BMPR1A: variants seen among roughly 807,000 people sequenced by gnomAD.
BMPR1A encodes bone morphogenetic protein receptor type-1A.
BMPR1A carries 7 observed loss-of-function variants against 66.0 expected under a neutral mutation model. That is an observed-to-expected ratio of 0.11 (90% CI 0.06 to 0.20). The LOEUF (loss-of-function observed/expected upper bound fraction) is 0.20. Among genes scored for constraint, BMPR1A ranks in the 10% least tolerant of loss-of-function variants. The pLI is 1.00. For missense variants in BMPR1A, 408 were observed against 669.1 expected, an observed-to-expected ratio of 0.61 and a Z score of 4.31; for synonymous variants, 200 against 229.7, an observed-to-expected ratio of 0.87 and a Z score of 1.17.
chr10:86,841,674 T>C (rs895343737), intron 2 of BMPR1A, among the ~76,000 whole-genome samples: 42 of 152,152 alleles, frequency 2.8e-4, no homozygotes, highest in African/African-American at 8.4e-4. Flanking sequence ...TGCTAATGAG[T>C]TAACTGGTAG....
At position 86,925,928 on chromosome 10, in the gene BMPR1A, C is replaced by T. The variant is rs952193816; in HGVS notation, c.*2209C>T. ...ATTTTTAGTAGAGACGGGGTTTCAC[C>T]TTGTTAGCCAGGATGGTCTCAATCT... On this transcript the variant is annotated 3_prime_UTR_variant, in exon 13 of 13. Transcript: ENST00000372037. The T allele has an allele frequency of 1.2e-5, 2 of 163,298 alleles. No individual in the cohort carries two copies. The highest frequency in any genetic ancestry group is 2.7e-5 in the Non-Finnish European group (2 of 74,850). 10.1% of individuals were successfully genotyped at this position (163,298 alleles called of 1,614,324 possible).
intron 1 of BMPR1A, among the ~76,000 whole-genome samples, chr10:86,784,652 G>T (rs1564683159): frequency 2.0e-5 from 3 of 152,112 alleles, no homozygotes; most frequent in Admixed American, 1.3e-4. Context: ...TTGTTGTTGG[G>T]AAGTTTTTAA....
At chr10:86,804,482 C>T (rs1841857887) in intron 1 of BMPR1A, among the ~76,000 whole-genome samples, 1 of 152,138 alleles carries the variant, frequency 6.6e-6, no homozygotes, top group South Asian at 2.1e-4. Context: ...ATCCACCCAC[C>T]TAGGCCTCCC....
intron 2 of BMPR1A, among the ~76,000 whole-genome samples, chr10:86,863,778 G>A (rs573793082): frequency 6.6e-6 from 1 of 152,144 alleles, no homozygotes; most frequent in Non-Finnish European, 1.5e-5. Flanking sequence ...AGGGAAGATA[G>A]AATATGCTTA....
intron 1 of BMPR1A, among the ~76,000 whole-genome samples, chr10:86,784,906 T>C (rs919494377): frequency 6.6e-6 from 1 of 152,142 alleles, no homozygotes; most frequent in Non-Finnish European, 1.5e-5. Flanking sequence ...TTCTTAAATC[T>C]GGCTAAGGAT....
At chr10:86,773,028 C>T (rs1171840752) in intron 1 of BMPR1A, among the ~76,000 whole-genome samples, 3 of 151,690 alleles carry the variant, frequency 2.0e-5, no homozygotes, top group Admixed American at 6.6e-5. Context: ...TCATCCTGAG[C>T]GTCTGAACCT....
downstream of BMPR1A, chr10:86,929,402 TTTC>T (rs1247397325): frequency 1.3e-5 from 2 of 152,206 alleles, no homozygotes; most frequent in Non-Finnish European, 1.5e-5. Context: ...TGTGCAATAC[TTTC>T]TTGTCATTTT....
intron 1 of BMPR1A, among the ~76,000 whole-genome samples, chr10:86,762,952 A>C (rs1381336714): frequency 6.6e-6 from 1 of 152,114 alleles, no homozygotes; most frequent in African/African-American, 2.4e-5. Flanking sequence ...GCTGGAGTGC[A>C]GTGGCGTGAT....
chr10:86,831,137 C>G (rs1384067313), intron 1 of BMPR1A, among the ~76,000 whole-genome samples: 1 of 152,142 alleles, frequency 6.6e-6, no homozygotes, highest in African/African-American at 2.4e-5. Flanking sequence ...GTCAGCTGAT[C>G]GGCAATTAAG....
intron 1 of BMPR1A, among the ~76,000 whole-genome samples, chr10:86,781,459 T>C (rs1423364881): frequency 6.6e-6 from 1 of 152,220 alleles, no homozygotes; most frequent in Non-Finnish European, 1.5e-5. Flanking sequence ...TCAGGTGTTG[T>C]ATTGTGATAC....
chr10:86,924,209 A>G lies in BMPR1A; in HGVS notation c.*490A>G, dbSNP rs1479539258. On this transcript the variant is annotated 3_prime_UTR_variant, in exon 13 of 13. Transcript: ENST00000372037. Reference sequence around the variant, plus strand: ...TGTTTGGGATACTGCTTATTTTATGATAGTTTGTCCTGTGTCCTTAGTGAT... The same window carrying G: ...TGTTTGGGATACTGCTTATTTTATGGTAGTTTGTCCTGTGTCCTTAGTGAT... The G allele has an allele frequency of 7.2e-6, 2 of 276,750 alleles. No homozygotes were observed. The highest frequency in any genetic ancestry group is 5.1e-5 in the East Asian group (1 of 19,768). 17.1% of individuals were successfully genotyped at this position (276,750 alleles called of 1,614,324 possible).
At chr10:86,922,769 T>C (rs1017186856) in intron 11 of BMPR1A, among the ~76,000 whole-genome samples, 4 of 152,260 alleles carry the variant, frequency 2.6e-5, no homozygotes, top group Admixed American at 2.0e-4. Context: ...CTGCCTGGCA[T>C]GTACCAGAAT....
At chr10:86,874,466 C>T (rs1439150201) in intron 2 of BMPR1A, among the ~76,000 whole-genome samples, 10 of 152,074 alleles carry the variant, frequency 6.6e-5, no homozygotes, top group Admixed American at 3.9e-4. Context: ...AGTGCAGTGG[C>T]GCAGTCTCAG....
chr10:86,916,044 A>T (rs1014118656), intron 8 of BMPR1A, among the ~76,000 whole-genome samples: 2 of 152,194 alleles, frequency 1.3e-5, no homozygotes, highest in Non-Finnish European at 2.9e-5. Flanking sequence ...AGCAACTGAG[A>T]GGTTTTGTGT....
intron 1 of BMPR1A, among the ~76,000 whole-genome samples, chr10:86,836,795 T>C (rs2133098697): frequency 6.6e-6 from 1 of 152,154 alleles, no homozygotes; most frequent in Non-Finnish European, 1.5e-5. Flanking sequence ...TAGCTGGGCA[T>C]GGTTGTATGT....
chr10:86,865,712 G>A (rs1190253146), intron 2 of BMPR1A, among the ~76,000 whole-genome samples: 1 of 152,218 alleles, frequency 6.6e-6, no homozygotes, highest in African/African-American at 2.4e-5. Context: ...AGTACTGTTA[G>A]CATTTGGTTC....
intron 2 of BMPR1A, among the ~76,000 whole-genome samples, chr10:86,849,061 C>T (rs1842529457): frequency 6.6e-6 from 1 of 152,192 alleles, no homozygotes; most frequent in Non-Finnish European, 1.5e-5. Context: ...ATGGTGCACT[C>T]ACTTCTTTGC....
intron 1 of BMPR1A, among the ~76,000 whole-genome samples, chr10:86,767,358 A>G (rs529760483): frequency 9.8e-5 from 15 of 152,328 alleles, no homozygotes; most frequent in Admixed American, 3.9e-4. Flanking sequence ...TGTTCATGGC[A>G]AAGGCGTCCA....
intron 1 of BMPR1A, among the ~76,000 whole-genome samples, chr10:86,824,095 G>A (rs1337188977): frequency 6.6e-6 from 1 of 151,026 alleles, no homozygotes; most frequent in Admixed American, 6.6e-5. Flanking sequence ...GTGTGTGTGT[G>A]TGTGTGTGTG....
Sources: allele counts gnomAD v4.1 joint callset (sites outside exome capture counted in the v4.1 genomes callset), GRCh38; gene constraint gnomAD v4.1.1; transcripts MANE v1.5; gene names NCBI Gene and HGNC (gene_info 2026-07-23, HGNC 2026-07-21).